Variants in NEMP2 observed in about 807,000 individuals in gnomAD.
NEMP2 encodes UPF0571 transmembrane protein.
In NEMP2, 53 loss-of-function variants were observed where a neutral mutation model predicts 54.2. The observed-to-expected ratio is 0.98, with a 90% CI of 0.78 to 1.23. The LOEUF (loss-of-function observed/expected upper bound fraction) is 1.23, where lower values mean the gene tolerates loss of function less well. Among genes scored for constraint, NEMP2 ranks in the 50% most tolerant of loss-of-function variants. The pLI, the probability that NEMP2 is intolerant of heterozygous loss-of-function variation, is 0.00. For synonymous variants in NEMP2, 197 were observed against 190.3 expected (o/e 1.04, Z -0.29); for missense variants, 455 against 511.3 (o/e 0.89, Z 1.06).
chr2:190,618,342 C>G, the NEMP2 span, among the ~76,000 whole-genome samples: 1 of 152,260 alleles, frequency 6.6e-6, no homozygotes, highest in Admixed American at 6.5e-5. Flanking sequence ...CCTGGACTCT[C>G]AAGGTCAGCA....
chr2:190,571,417 C>A, the NEMP2 span, among the ~76,000 whole-genome samples: 1 of 152,004 alleles, frequency 6.6e-6, no homozygotes, highest in South Asian at 2.1e-4. Flanking sequence ...GTGGTGGGCG[C>A]CTGTCATCCC....
chr2:190,563,576 AT>A, the NEMP2 span, among the ~76,000 whole-genome samples: 25,498 of 152,052 alleles, frequency 0.17, 2,294 homozygotes, highest in Middle Eastern at 0.22. The surrounding 1 kb of genome is among the most constrained non-coding windows in gnomAD (Gnocchi z 4.3). Context: ...TGGATTTTCT[AT>A]TTTTGAAAAC....
At position 190,514,634 on chromosome 2, in the gene NEMP2, TG is replaced by T. The variant is rs1559157891; in HGVS notation, c.771del (p.Tyr257Ter). On this transcript the variant is annotated frameshift_variant, in exon 7 of 9. Transcript: ENST00000409150. LOFTEE classifies it high-confidence loss of function. This position sits in a 1 kb window ranked among gnomAD's most constrained non-coding sequence, Gnocchi z 5.7. ...CTGTCGTCTGCAAGGGGCCCATGCT[TG>T]TAACAAACAACAAAGCTGAAAAATC... Reference protein sequence around the residue: ...IVGFFSFVVCYKHGPLADDRS... With the variant: ...IVGFFSFVVCXKHGPLADDRS... 1 of 1,551,740 alleles carries T rather than the reference TG, an allele frequency of 6.4e-7. No individual in the cohort carries two copies. Among genetic ancestry groups the T allele is most frequent in the Non-Finnish European group, 8.7e-7 (1 of 1,147,006 alleles).
At chr2:190,548,422 T>A in the NEMP2 span, among the ~76,000 whole-genome samples, 2 of 152,172 alleles carry the variant, frequency 1.3e-5, no homozygotes, top group Non-Finnish European at 2.9e-5. Flanking sequence ...CTATGTAAAA[T>A]CTAAGCCCAC....
the NEMP2 span, among the ~76,000 whole-genome samples, chr2:190,620,899 TA>T: frequency 6.6e-6 from 1 of 152,192 alleles, no homozygotes; most frequent in Admixed American, 6.5e-5. This position sits in a 1 kb window ranked among gnomAD's most constrained non-coding sequence, Gnocchi z 4.9. Context: ...TTGGAAGTAT[TA>T]AATTCAGAAA....
At chr2:190,540,087 G>GT in the NEMP2 span, among the ~76,000 whole-genome samples, 1 of 151,936 alleles carries the variant, frequency 6.6e-6, no homozygotes, top group Non-Finnish European at 1.5e-5. Flanking sequence ...ATTTTGAGAT[G>GT]TTTTTTCTAT....
chr2:190,503,374 AGCCATATGTG>A (rs1690099790), downstream of NEMP2, among the ~76,000 whole-genome samples: 1 of 152,130 alleles, frequency 6.6e-6, no homozygotes, highest in African/African-American at 2.4e-5. The surrounding 1 kb of genome is among the most constrained non-coding windows in gnomAD (Gnocchi z 6.3). Context: ...GGTAACCATA[AGCCATATGTG>A]GCTATTAAAC....
the NEMP2 span, among the ~76,000 whole-genome samples, chr2:190,554,467 G>A: frequency 6.6e-6 from 1 of 152,212 alleles, no homozygotes; most frequent in Non-Finnish European, 1.5e-5. The surrounding 1 kb of genome is among the most constrained non-coding windows in gnomAD (Gnocchi z 5.7). Flanking sequence ...GAGCTTGGTG[G>A]AGGGAAGGGT....
the NEMP2 span, among the ~76,000 whole-genome samples, chr2:190,474,581 A>G: frequency 6.6e-6 from 1 of 152,240 alleles, no homozygotes; most frequent in Non-Finnish European, 1.5e-5. Flanking sequence ...TTAATAGCTT[A>G]CCAACCAAAA....
chr2:190,489,702 T>C, the NEMP2 span: 2 of 1,415,592 alleles, frequency 1.4e-6, no homozygotes, highest in African/African-American at 2.9e-5. This position sits in a 1 kb window ranked among gnomAD's most constrained non-coding sequence, Gnocchi z 6.6. Context: ...AGAAAACTGA[T>C]GGTTTTAGAT....
the NEMP2 span, among the ~76,000 whole-genome samples, chr2:190,606,723 A>G: frequency 4.7e-3 from 716 of 152,362 alleles, 9 homozygotes; most frequent in African/African-American, 0.017. Context: ...AAAATAAAAA[A>G]GAAAAGAAAA....
the NEMP2 span, among the ~76,000 whole-genome samples, chr2:190,476,435 CAACA>C: frequency 6.6e-6 from 1 of 152,086 alleles, no homozygotes; most frequent in Non-Finnish European, 1.5e-5. Context: ...TTTATGCAGC[CAACA>C]GACACATGAA....
the NEMP2 span, among the ~76,000 whole-genome samples, chr2:190,490,302 G>T: frequency 6.6e-6 from 1 of 151,186 alleles, no homozygotes; most frequent in African/African-American, 2.4e-5. The surrounding 1 kb of genome is among the most constrained non-coding windows in gnomAD (Gnocchi z 4.5). Flanking sequence ...AGTGGCTCAC[G>T]CCTGTAATCC....
chr2:190,429,350 G>C, the NEMP2 span, among the ~76,000 whole-genome samples: 1 of 150,040 alleles, frequency 6.7e-6, no homozygotes, highest in Non-Finnish European at 1.5e-5. Context: ...TTTTGAGATG[G>C]AGTCTCACTC....
At chr2:190,455,282 TTA>T in the NEMP2 span, among the ~76,000 whole-genome samples, 1 of 91,494 alleles carries the variant, frequency 1.1e-5, no homozygotes. Flanking sequence ...CATAGCTCTA[TTA>T]ATTAAATTTT....
chr2:190,484,002 G>T, the NEMP2 span, among the ~76,000 whole-genome samples: 2 of 152,120 alleles, frequency 1.3e-5, no homozygotes, highest in Non-Finnish European at 1.5e-5. Flanking sequence ...AATCCTGGGG[G>T]ATCCCAGTAA....
chr2:190,644,052 C>G, the NEMP2 span, among the ~76,000 whole-genome samples: 1 of 152,150 alleles, frequency 6.6e-6, no homozygotes, highest in Non-Finnish European at 1.5e-5. The surrounding 1 kb of genome is among the most constrained non-coding windows in gnomAD (Gnocchi z 4.4). Flanking sequence ...TAATGAATCT[C>G]ATTTGCCTCA....
chr2:190,470,784 C>T, the NEMP2 span, among the ~76,000 whole-genome samples: 1 of 152,118 alleles, frequency 6.6e-6, no homozygotes, highest in South Asian at 2.1e-4. Flanking sequence ...AATTATACAT[C>T]TAAACAGAAT....
chr2:190,537,354 G>A (rs1406733645), upstream of NEMP2, among the ~76,000 whole-genome samples: 1 of 152,110 alleles, frequency 6.6e-6, no homozygotes, highest in African/African-American at 2.4e-5. Context: ...CCCACACATC[G>A]TGGGAGGGAC....
Sources: allele counts gnomAD v4.1 joint callset (sites outside exome capture counted in the v4.1 genomes callset), GRCh38; gene constraint gnomAD v4.1.1; non-coding constraint Gnocchi (gnomAD v3.1); transcripts MANE v1.5; gene names NCBI Gene and HGNC (gene_info 2026-07-23, HGNC 2026-07-21).